The following DLG2 variants were observed in gnomAD, a reference collection of about 807,000 sequenced individuals.
The protein encoded by DLG2 is disks large homolog 2.
DLG2 carries 45 observed loss-of-function variants against 132.5 expected under a neutral mutation model. That is an observed-to-expected ratio of 0.34 (90% CI 0.27 to 0.44). DLG2 has a LOEUF of 0.44. DLG2 is among the 20% of genes least tolerant of loss of function. The pLI, the probability that DLG2 is intolerant of heterozygous loss-of-function variation, is 1.00. For missense variants in DLG2, 1,045 were observed against 1,196.9 expected (o/e 0.87, Z 1.87); for synonymous variants, 424 against 419.6 (o/e 1.01, Z -0.13).
intron 3 of DLG2, among the ~76,000 whole-genome samples, chr11:85,319,248 G>T (rs1362789060): frequency 1.3e-5 from 2 of 151,680 alleles, no homozygotes; most frequent in Non-Finnish European, 3.0e-5. Flanking sequence ...ATTCAAGAAT[G>T]CTTTTAAATC....
chr11:84,079,694 T>A (rs563478847), intron 10 of DLG2, among the ~76,000 whole-genome samples: 1 of 152,174 alleles, frequency 6.6e-6, no homozygotes, highest in East Asian at 1.9e-4. Context: ...ATTTCCCACA[T>A]TGAAACATTC....
At chr11:83,805,538 T>C (rs985384778) in intron 17 of DLG2, among the ~76,000 whole-genome samples, 15 of 152,234 alleles carry the variant, frequency 9.9e-5, no homozygotes, top group African/African-American at 3.4e-4. Context: ...AGACTTCTAA[T>C]TGATGTTAGC....
At chr11:85,517,731 C>T (rs2094197272) in intron 3 of DLG2, among the ~76,000 whole-genome samples, 2 of 152,084 alleles carry the variant, frequency 1.3e-5, no homozygotes, top group Admixed American at 1.3e-4. Context: ...TCCCAAGTAG[C>T]TGGTACTACA....
At chr11:85,598,559 T>C (rs1409317443) in intron 3 of DLG2, 98 bp downstream of exon 3, 1 of 788,230 alleles carries the variant, frequency 1.3e-6, no homozygotes, top group Non-Finnish European at 1.8e-6. Flanking sequence ...TTATCCCAGT[T>C]TGAAACTTGG....
chr11:84,274,026 T>C (rs1268349022), intron 7 of DLG2, among the ~76,000 whole-genome samples: 1 of 152,212 alleles, frequency 6.6e-6, no homozygotes, highest in Non-Finnish European at 1.5e-5. Flanking sequence ...ACAAGGAGAA[T>C]CGTGTCTTTA....
chr11:84,366,501 TAAA>T (rs1435607237), intron 7 of DLG2, among the ~76,000 whole-genome samples: 3 of 152,008 alleles, frequency 2.0e-5, no homozygotes, highest in African/African-American at 7.2e-5. Context: ...ATGCTCCAAT[TAAA>T]AGACACAGAC....
At chr11:85,068,955 T>C (rs183695671) in intron 6 of DLG2, among the ~76,000 whole-genome samples, 192 of 152,162 alleles carry the variant, frequency 1.3e-3, no homozygotes, top group Middle Eastern at 0.01. Flanking sequence ...AAAACAGAGA[T>C]ACAGAGCAAT....
At chr11:85,003,219 T>C (rs2058363490) in intron 6 of DLG2, among the ~76,000 whole-genome samples, 2 of 152,078 alleles carry the variant, frequency 1.3e-5, no homozygotes, top group African/African-American at 4.8e-5. Context: ...GCCAAGTGTA[T>C]GAAAGTGTCA....
chr11:84,962,467 A>G (rs1247787656), intron 6 of DLG2, among the ~76,000 whole-genome samples: 1 of 152,156 alleles, frequency 6.6e-6, no homozygotes. Context: ...AAAAATAAAG[A>G]TACTAAAATA....
intron 6 of DLG2, among the ~76,000 whole-genome samples, chr11:84,969,151 C>G (rs5026716): frequency 6.6e-6 from 1 of 151,704 alleles, no homozygotes; most frequent in South Asian, 2.1e-4. Flanking sequence ...CCCATAATAC[C>G]TTAATAACAT....
intron 7 of DLG2, among the ~76,000 whole-genome samples, chr11:84,292,820 C>T (rs1050277720): frequency 2.0e-5 from 3 of 151,872 alleles, no homozygotes; most frequent in African/African-American, 7.3e-5. Flanking sequence ...CAGGGGGGTC[C>T]AATCCTTGGC....
intron 3 of DLG2, among the ~76,000 whole-genome samples, chr11:85,493,355 C>G (rs911341846): frequency 6.6e-6 from 1 of 152,166 alleles, no homozygotes; most frequent in South Asian, 2.1e-4. Context: ...CTGCTTTTCT[C>G]CAAGATCTTT....
intron 7 of DLG2, among the ~76,000 whole-genome samples, chr11:84,439,540 T>C (rs2099011186): frequency 6.6e-6 from 1 of 152,172 alleles, no homozygotes. Flanking sequence ...TAATTTCCTT[T>C]TGACACTCTA....
chr11:85,146,891 A>G (rs2076897519), intron 5 of DLG2, among the ~76,000 whole-genome samples: 1 of 152,208 alleles, frequency 6.6e-6, no homozygotes, highest in African/African-American at 2.4e-5. Flanking sequence ...CCCCAAACTC[A>G]GGTTCCTACC....
chr11:84,592,883 G>A (rs2099546962), intron 6 of DLG2, among the ~76,000 whole-genome samples: 1 of 127,756 alleles, frequency 7.8e-6, no homozygotes, highest in Non-Finnish European at 1.6e-5. Flanking sequence ...GGATCACAAG[G>A]TCAGGAGAGC....
intron 18 of DLG2, among the ~76,000 whole-genome samples, chr11:83,671,642 A>G (rs1484358564): frequency 2.0e-5 from 3 of 152,240 alleles, no homozygotes; most frequent in African/African-American, 7.2e-5. Context: ...CAATTAATCA[A>G]TAAATAAATA....
chr11:85,218,475 C>G (rs2082766511), intron 4 of DLG2, among the ~76,000 whole-genome samples: 1 of 152,128 alleles, frequency 6.6e-6, no homozygotes, highest in South Asian at 2.1e-4. Flanking sequence ...TGCTCATTAT[C>G]ACCAATCATC....
At chr11:83,780,531 G>T (rs1296980691) in intron 18 of DLG2, among the ~76,000 whole-genome samples, 1 of 152,096 alleles carries the variant, frequency 6.6e-6, no homozygotes, top group South Asian at 2.1e-4. Context: ...ACTTTCCCTT[G>T]GTTCATAGAG....
intron 10 of DLG2, among the ~76,000 whole-genome samples, chr11:84,070,251 CT>C (rs1668267413): frequency 6.6e-6 from 1 of 152,200 alleles, no homozygotes; most frequent in Non-Finnish European, 1.5e-5. Context: ...TTTTATACCT[CT>C]TACTGCCTGC....
Sources: gnomAD v4.1 joint callset for allele counts (sites outside exome capture counted in the v4.1 genomes callset) on GRCh38, gnomAD v4.1.1 for gene constraint, MANE v1.5 for transcripts, NCBI Gene and HGNC (gene_info 2026-07-23, HGNC 2026-07-21) for gene names.